RAD18: variants seen among roughly 807,000 people sequenced by gnomAD.
RAD18 encodes the protein E3 ubiquitin-protein ligase RAD18.
In RAD18, 47 loss-of-function variants were observed where a neutral mutation model predicts 60.4. The ratio of observed to expected loss-of-function variants is 0.78; its 90% confidence interval spans 0.62 to 0.99. The LOEUF is 0.99. Among genes scored for constraint, RAD18 ranks in the 50% least tolerant of loss-of-function variants. The pLI, the probability that RAD18 is intolerant of heterozygous loss-of-function variation, is 0.00. For missense variants in RAD18, 640 were observed against 593.3 expected (o/e 1.08, Z -0.82); for synonymous variants, 225 against 195.5 (o/e 1.15, Z -1.26).
intron 1 of RAD18, 89 bp downstream of exon 1, chr3:8,963,246 T>A: frequency 7.1e-7 from 1 of 1,403,110 alleles, no homozygotes. Flanking sequence ...CGCCTCATCC[T>A]TTCTCCTTAA....
At chr3:8,885,432 TAA>T in intron 12 of RAD18, among the ~76,000 whole-genome samples, 1 of 152,230 alleles carries the variant, frequency 6.6e-6, no homozygotes, top group Non-Finnish European at 1.5e-5. Context: ...TCCGATTTTA[TAA>T]GATTAGAGAA....
intron 7 of RAD18, among the ~76,000 whole-genome samples, chr3:8,924,715 A>G (rs1369072239): frequency 1.2e-3 from 152 of 123,208 alleles, no homozygotes; most frequent in Non-Finnish European, 1.5e-3. Context: ...ACTATCTCTC[A>G]GACCACAGTG....
chr3:8,957,900 T>G (rs1434359784), intron 2 of RAD18, among the ~76,000 whole-genome samples: 1 of 152,236 alleles, frequency 6.6e-6, no homozygotes, highest in African/African-American at 2.4e-5. Flanking sequence ...TTAAAATGGA[T>G]GTATTTTATT....
rs148941554 is a variant in RAD18, at chr3:8,947,229, T to C, written c.257A>G (p.Asn86Ser). ...RILDELVKSL[N>S]FARNHLLQFA... ...CAAAATTAAATCATACCGTGCAAAATTCAAGCTTTTTACCAGTTCATCTAA... is the reference window on the plus strand; with the variant it reads ...CAAAATTAAATCATACCGTGCAAAACTCAAGCTTTTTACCAGTTCATCTAA... Residue 86 changes from asparagine (N) to serine (S), a missense_variant, in exon 4 of 13, where the codon AAT (asparagine) becomes AGT (serine). By Grantham distance (46) the Asn-to-Ser change is conservative. Transcript: ENST00000264926. 57 of 1,606,522 alleles carry C rather than the reference T, an allele frequency of 3.5e-5. No individual in the cohort carries two copies. In the African/African-American group the frequency reaches 7.4e-4, roughly 21 times the overall value.
chr3:8,946,646 C>T (rs1307387432), intron 4 of RAD18, among the ~76,000 whole-genome samples: 2 of 152,152 alleles, frequency 1.3e-5, no homozygotes, highest in African/African-American at 4.8e-5. Context: ...TTATAAAGTA[C>T]AAGCAATTAC....
chr3:8,895,926 T>C (rs555660590), intron 11 of RAD18, among the ~76,000 whole-genome samples: 1 of 152,248 alleles, frequency 6.6e-6, no homozygotes, highest in African/African-American at 2.4e-5. Flanking sequence ...GGAATCCTAG[T>C]TGAAATGCTG....
At chr3:8,898,542 G>A (rs569723420) in intron 11 of RAD18, among the ~76,000 whole-genome samples, 4 of 151,758 alleles carry the variant, frequency 2.6e-5, no homozygotes, top group Admixed American at 1.3e-4. Context: ...CCTCCTATGC[G>A]CCATGTCTTT....
chr3:8,936,022 A>C lies in RAD18; in HGVS notation c.738T>G (p.Thr246=). 6.2e-7 allele frequency: 1 copy of C among 1,600,922 alleles called. No individual in the cohort carries two copies. The highest frequency in any genetic ancestry group is 8.5e-7 in the Non-Finnish European group (1 of 1,175,002). Residue 246 remains threonine (T), a synonymous_variant, in exon 7 of 13, where the codon ACT becomes ACG. Coordinates refer to ENST00000264926, the MANE Select transcript of RAD18 (RefSeq NM_020165.4). ...CACGATCAGAGAGCAAATTATATAC[A>C]GTTTTGGGCAGCGGCTTCCTTTTGT... ...SVHKRKPLPK[T]VYNLLSDRDL...
At chr3:8,898,321 C>T (rs1939831084) in intron 11 of RAD18, among the ~76,000 whole-genome samples, 1 of 151,758 alleles carries the variant, frequency 6.6e-6, no homozygotes, top group Non-Finnish European at 1.5e-5. Context: ...AGAAACGTAA[C>T]ATTTATGACA....
chr3:8,921,663 AC>A (rs934985821), intron 7 of RAD18, among the ~76,000 whole-genome samples: 3 of 152,140 alleles, frequency 2.0e-5, no homozygotes, highest in Admixed American at 6.5e-5. Context: ...GACAGAATGA[AC>A]AAATAAAGTT....
intron 3 of RAD18, among the ~76,000 whole-genome samples, chr3:8,948,007 C>T (rs1008544861): frequency 8.5e-5 from 13 of 152,172 alleles, no homozygotes; most frequent in African/African-American, 2.9e-4. Context: ...TTTAATTACC[C>T]TTTTAGTCTA....
chr3:8,943,580 G>T (rs935212846), intron 4 of RAD18, among the ~76,000 whole-genome samples: 1 of 151,668 alleles, frequency 6.6e-6, no homozygotes, highest in Non-Finnish European at 1.5e-5. Context: ...AGCCCAGAAG[G>T]AACAGAAAGA....
chr3:8,897,004 A>C (rs1015042396), intron 11 of RAD18, among the ~76,000 whole-genome samples: 4 of 152,314 alleles, frequency 2.6e-5, no homozygotes, highest in Admixed American at 2.0e-4. Context: ...GTTCTCATGG[A>C]TGTCTACAAA....
intron 7 of RAD18, among the ~76,000 whole-genome samples, chr3:8,925,690 G>A (rs540004): frequency 0.69 from 105,000 of 151,844 alleles, 36,843 homozygotes; most frequent in Middle Eastern, 0.77. Flanking sequence ...GAATCCAGCA[G>A]CACATCAAAA....
chr3:8,960,837 A>G (rs1286687984), intron 1 of RAD18, among the ~76,000 whole-genome samples: 1 of 152,198 alleles, frequency 6.6e-6, no homozygotes, highest in Non-Finnish European at 1.5e-5. Flanking sequence ...AGAATTATGG[A>G]TGGTTTTATT....
At chr3:8,897,162 A>T (rs1939801049) in intron 11 of RAD18, among the ~76,000 whole-genome samples, 1 of 152,244 alleles carries the variant, frequency 6.6e-6, no homozygotes, top group Non-Finnish European at 1.5e-5. Flanking sequence ...CTAGACACTA[A>T]ACCAAACTCT....
chr3:8,926,273 CAGAG>C (rs1469334349), intron 7 of RAD18, among the ~76,000 whole-genome samples: 1 of 152,124 alleles, frequency 6.6e-6, no homozygotes, highest in African/African-American at 2.4e-5. Flanking sequence ...CAATAACAGA[CAGAG>C]AGCCAAATCA....
At chr3:8,900,627 C>G (rs17049724) in intron 10 of RAD18, among the ~76,000 whole-genome samples, 5,820 of 152,122 alleles carry the variant, frequency 0.038, 345 homozygotes, top group African/African-American at 0.13. Context: ...TCAGAGCTCC[C>G]CAGAGACACA....
chr3:8,920,467 G>A (rs1051005888), intron 7 of RAD18, among the ~76,000 whole-genome samples: 2 of 152,018 alleles, frequency 1.3e-5, no homozygotes, highest in Admixed American at 1.3e-4. Flanking sequence ...CTAAATATAG[G>A]GGTGAAATCT....
Sources: allele counts gnomAD v4.1 joint callset (sites outside exome capture counted in the v4.1 genomes callset), GRCh38; gene constraint gnomAD v4.1.1; transcripts MANE v1.5; gene names NCBI Gene and HGNC (gene_info 2026-07-23, HGNC 2026-07-21).